HYDIN: variants seen among roughly 807,000 people sequenced by gnomAD.
HYDIN encodes axonemal central pair apparatus protein HYDIN.
In HYDIN, 132 loss-of-function variants were observed where a neutral mutation model predicts 403.9. The observed-to-expected ratio is 0.33, with a 90% CI of 0.28 to 0.38. The LOEUF (loss-of-function observed/expected upper bound fraction) is 0.38. Ranked by LOEUF, HYDIN falls within the 10% of genes least tolerant of loss-of-function variation. The pLI, the probability that HYDIN is intolerant of heterozygous loss-of-function variation, is 1.00. For synonymous variants in HYDIN, 1,202 were observed against 1,891.7 expected (o/e 0.64, Z 9.46); for missense variants, 2,827 against 5,009.5 (o/e 0.56, Z 13.15).
At chr16:70,828,831 C>G (rs1214924396) in intron 81 of HYDIN, among the ~76,000 whole-genome samples, 3 of 151,252 alleles carry the variant, frequency 2.0e-5, no homozygotes, top group Non-Finnish European at 4.4e-5. Context: ...AAAAATGCTA[C>G]TGCTATACCG....
chr16:71,206,559 G>T (rs1228555253), intron 1 of HYDIN, among the ~76,000 whole-genome samples: 1 of 152,142 alleles, frequency 6.6e-6, no homozygotes, highest in East Asian at 1.9e-4. Flanking sequence ...TCCAGCAAGG[G>T]TTCTTAACCA....
At chr16:71,178,434 A>AAAATATAT (rs1555501894) in intron 4 of HYDIN, among the ~76,000 whole-genome samples, 1 of 94,572 alleles carries the variant, frequency 1.1e-5, no homozygotes, top group African/African-American at 4.6e-5. Flanking sequence ...AAAAAAAAAA[A>AAAATATAT]ATATATATAT....
intron 4 of HYDIN, among the ~76,000 whole-genome samples, chr16:71,178,440 T>A (rs1402437756): frequency 3.5e-5 from 5 of 143,540 alleles, no homozygotes; most frequent in African/African-American, 1.3e-4. Flanking sequence ...AAAAAATATA[T>A]ATATATATAT....
At chr16:71,183,443 G>C (rs112556559) in intron 3 of HYDIN, among the ~76,000 whole-genome samples, 1 of 152,002 alleles carries the variant, frequency 6.6e-6, no homozygotes, top group African/African-American at 2.4e-5. Flanking sequence ...AAATAAAGGC[G>C]CACAGTACCT....
Position 71,093,880 on chromosome 16 carries a change from A to G in HYDIN, c.1383T>C (p.Ile461=). Residue 461 remains isoleucine, a synonymous_variant, in exon 11 of 86, where the codon ATT becomes ATC. Transcript: ENST00000393567. ...TATCCAGCAATTCAAAGTTGAAGTG[A>G]ATCTTAGGTCCCATGCCTTCCCCTT... ...RIKGEGMGPK[I]HFNFELLDIG... is the part of the protein sequence containing the mutation. The G allele has an allele frequency of 6.2e-7, 1 of 1,613,824 alleles. No homozygotes were observed. Among genetic ancestry groups the G allele is most frequent in the Non-Finnish European group, 8.5e-7 (1 of 1,179,854 alleles).
intron 48 of HYDIN, 51 bp downstream of exon 48, chr16:70,908,602 C>T (rs1469336132): frequency 1.3e-5 from 19 of 1,489,144 alleles, no homozygotes; most frequent in Non-Finnish European, 1.6e-5. Flanking sequence ...GTCACACCCT[C>T]AGTGTGGGCT....
In HYDIN at chr16:70,905,227, GCTAATCA is replaced by G. The variant is rs543416861; in HGVS notation, c.8517-1170_8517-1164del. The stretch of plus-strand genomic sequence containing the variant: ...AGGGGTGCCGCCTTCTCACTTAACC[GCTAATCA>G]CTTCCATCCGGCACTGTGCTAAAGG... On this transcript the variant is annotated intron_variant, in intron 50 of 85. Coordinates refer to ENST00000393567, the MANE Select transcript of HYDIN (RefSeq NM_001270974.2). Among the ~76,000 whole-genome samples the G allele has an allele frequency of 2.6e-5, 4 of 151,974 alleles. No homozygotes were observed. In the East Asian group the frequency reaches 7.8e-4, roughly 29 times the overall value.
intron 5 of HYDIN, among the ~76,000 whole-genome samples, chr16:71,170,400 AG>A (rs2086414668): frequency 6.6e-6 from 1 of 152,202 alleles, no homozygotes; most frequent in African/African-American, 2.4e-5. Flanking sequence ...ATAATGCACT[AG>A]GAAGTACCAC....
At position 71,171,887 on chromosome 16, in the gene HYDIN, T is replaced by C. The variant is rs1188976749; in HGVS notation, c.516+3720A>G. Among the ~76,000 whole-genome samples the C allele has an allele frequency of 2.0e-5, 3 of 152,340 alleles. No homozygotes were observed. In the East Asian group the frequency reaches 5.8e-4, roughly 29 times the overall value. On this transcript the variant is annotated intron_variant, in intron 5 of 85. Transcript: ENST00000393567. ...ACTTACTTATCTCACTCCACAAATA[T>C]TTACTGCACCCTTTCTATGTATCAG...
At chr16:70,971,958 C>A (rs1020334408) in intron 35 of HYDIN, among the ~76,000 whole-genome samples, 1 of 152,148 alleles carries the variant, frequency 6.6e-6, no homozygotes, top group Non-Finnish European at 1.5e-5. Context: ...TCCTTGTATA[C>A]AGCTAATAAA....
intron 21 of HYDIN, among the ~76,000 whole-genome samples, chr16:71,021,137 C>A (rs2080474385): frequency 6.6e-6 from 1 of 151,522 alleles, no homozygotes; most frequent in Non-Finnish European, 1.5e-5. Flanking sequence ...AGACCTATTT[C>A]CTGTAAACTT....
chr16:71,021,333 C>T (rs2080485091), intron 21 of HYDIN, among the ~76,000 whole-genome samples: 1 of 151,182 alleles, frequency 6.6e-6, no homozygotes, highest in Non-Finnish European at 1.5e-5. Flanking sequence ...TCTCTTGCCT[C>T]AGCCTCCCAA....
At chr16:71,181,947 T>C (rs543590809) in intron 3 of HYDIN, among the ~76,000 whole-genome samples, 24 of 151,858 alleles carry the variant, frequency 1.6e-4, no homozygotes, top group Admixed American at 1.4e-3. Context: ...GACTGGGAGG[T>C]GGCTGCTCTT....
chr16:70,995,788 C>G (rs2079513716), intron 23 of HYDIN, among the ~76,000 whole-genome samples: 1 of 152,186 alleles, frequency 6.6e-6, no homozygotes, highest in Non-Finnish European at 1.5e-5. Flanking sequence ...TTCATTGATT[C>G]ATTAGACTTG....
At chr16:70,972,807 C>T (rs11075829) in intron 35 of HYDIN, among the ~76,000 whole-genome samples, 79 of 149,236 alleles carry the variant, frequency 5.3e-4, no homozygotes, top group African/African-American at 2.0e-3. Context: ...GGCAGGTCCC[C>T]TGTAATCAAA....
intron 1 of HYDIN, among the ~76,000 whole-genome samples, chr16:71,191,408 C>T (rs529422189): frequency 6.6e-6 from 1 of 152,108 alleles, no homozygotes; most frequent in East Asian, 1.9e-4. Flanking sequence ...AAAAAATGCG[C>T]GTGTTTGCGT....
intron 39 of HYDIN, among the ~76,000 whole-genome samples, chr16:70,956,728 C>T (rs949864464): frequency 1.3e-5 from 2 of 152,072 alleles, no homozygotes; most frequent in East Asian, 1.9e-4. Flanking sequence ...ACGGATTGTC[C>T]CCCAGATCCT....
chr16:70,982,298 T>G (rs973146513), intron 28 of HYDIN, among the ~76,000 whole-genome samples: 1 of 151,262 alleles, frequency 6.6e-6, no homozygotes, highest in African/African-American at 2.4e-5. Flanking sequence ...AACCTTAGAG[T>G]GATCTGTATC....
chr16:70,833,171 C>T (rs2037135721), intron 79 of HYDIN, 104 bp from the exon 80 acceptor site: 1 of 1,016,916 alleles, frequency 9.8e-7, no homozygotes, highest in Non-Finnish European at 1.4e-6. Context: ...GTTCACCTCC[C>T]TTGAGTCTAT....
Sources: allele counts gnomAD v4.1 joint callset (sites outside exome capture counted in the v4.1 genomes callset), GRCh38; gene constraint gnomAD v4.1.1; transcripts MANE v1.5; gene names NCBI Gene and HGNC (gene_info 2026-07-23, HGNC 2026-07-21).